The following ARHGAP6 variants were observed in gnomAD, a reference collection of about 807,000 sequenced individuals.
The protein encoded by ARHGAP6 is rho GTPase-activating protein 6.
A neutral mutation model predicts 55.7 loss-of-function variants in ARHGAP6; 16 were observed. That is an observed-to-expected ratio of 0.29 (90% CI 0.19 to 0.44). The LOEUF (loss-of-function observed/expected upper bound fraction) is 0.44. ARHGAP6 is among the 20% of genes least tolerant of loss of function. The pLI, the probability that ARHGAP6 is intolerant of heterozygous loss-of-function variation, is 1.00. For missense variants in ARHGAP6, 698 were observed against 808.9 expected (o/e 0.86, Z 1.66); for synonymous variants, 382 against 360.9 (o/e 1.06, Z -0.66).
chrX:11,314,371 A>G (rs764606693), intron 1 of ARHGAP6, among the ~76,000 whole-genome samples: 6 of 112,086 alleles, frequency 5.4e-5, no homozygotes, highest in African/African-American at 1.9e-4. Flanking sequence ...AGAACTTCTG[A>G]TGTCAAGGAA....
At position 11,260,748 on chromosome X, in the gene ARHGAP6, G is replaced by T. The variant is rs759696468; in HGVS notation, c.589-6041C>A. ...AAATTTTTTTCAACTATTTAGAAAT[G>T]TAAACATAATTCTTAGCTTGCAAGT... On this transcript the variant is annotated intron_variant, in intron 1 of 12. Coordinates refer to ENST00000337414, the MANE Select transcript of ARHGAP6 (RefSeq NM_013427.3). Among the ~76,000 whole-genome samples, 3 of 111,718 alleles carry T rather than the reference G, an allele frequency of 2.7e-5. No homozygotes were observed. In the East Asian group the frequency reaches 8.4e-4, roughly 31 times the overall value.
chrX:11,584,165 T>C (rs1165892219), intron 1 of ARHGAP6, among the ~76,000 whole-genome samples: 1 of 112,096 alleles, frequency 8.9e-6, no homozygotes, highest in African/African-American at 3.2e-5. Context: ...CGATTTCCTA[T>C]AAGTCATAAA....
chrX:11,315,484 G>A (rs370752975), intron 1 of ARHGAP6, among the ~76,000 whole-genome samples: 23 of 111,887 alleles, frequency 2.1e-4, no homozygotes, highest in African/African-American at 7.2e-4. Flanking sequence ...ACTGGTACTG[G>A]TCTGCGGCCC....
chrX:11,301,191 G>T (rs752443593), intron 1 of ARHGAP6, among the ~76,000 whole-genome samples: 347 of 108,119 alleles, frequency 3.2e-3, no homozygotes, highest in African/African-American at 0.011. Context: ...ATGGAAAAAA[G>T]ATTTTTAAAT....
At chrX:11,548,628 T>TTA (rs1556051450) in intron 1 of ARHGAP6, among the ~76,000 whole-genome samples, 118 of 109,816 alleles carry the variant, frequency 1.1e-3, no homozygotes, top group African/African-American at 3.6e-3. Context: ...CTTTTTTTTT[T>TTA]TTATTGAGAT....
At chrX:11,514,013 A>G (rs1422237578) in intron 1 of ARHGAP6, among the ~76,000 whole-genome samples, 1 of 108,637 alleles carries the variant, frequency 9.2e-6, no homozygotes, top group Non-Finnish European at 1.9e-5. Context: ...AATACAAAAA[A>G]TAGCCAGGGG....
chrX:11,493,679 G>T (rs60619858), intron 1 of ARHGAP6, among the ~76,000 whole-genome samples: 9,031 of 110,665 alleles, frequency 0.082, 408 homozygotes, highest in East Asian at 0.18. Flanking sequence ...CCAGATGTAA[G>T]AGCAAAAAGA....
At chrX:11,656,955 T>G (rs1200247901) in intron 1 of ARHGAP6, among the ~76,000 whole-genome samples, 1 of 112,152 alleles carries the variant, frequency 8.9e-6, no homozygotes, top group Non-Finnish European at 1.9e-5. Flanking sequence ...TTTCATAAAC[T>G]GGAAGCACCT....
chrX:11,503,380 G>C (rs1414502714), intron 1 of ARHGAP6, among the ~76,000 whole-genome samples: 1 of 111,498 alleles, frequency 9.0e-6, no homozygotes. Flanking sequence ...CACATTCCTC[G>C]ACTGTGTGTA....
intron 1 of ARHGAP6, among the ~76,000 whole-genome samples, chrX:11,415,029 C>T (rs2049730971): frequency 8.9e-6 from 1 of 111,793 alleles, no homozygotes; most frequent in Admixed American, 9.5e-5. Context: ...TAAGTGTTCT[C>T]ACCACAAAAA....
chrX:11,290,490 C>CAAAAA (rs746332445), intron 1 of ARHGAP6: 17 of 178,203 alleles, frequency 9.5e-5, no homozygotes, highest in Non-Finnish European at 1.3e-4. Context: ...TCTACCCCAG[C>CAAAAA]AAAAAAAAAA....
chrX:11,599,384 T>C (rs1253415008), intron 1 of ARHGAP6, among the ~76,000 whole-genome samples: 1 of 112,107 alleles, frequency 8.9e-6, no homozygotes, highest in Non-Finnish European at 1.9e-5. Flanking sequence ...TTAGTGCATG[T>C]ATACATAATA....
intron 1 of ARHGAP6, among the ~76,000 whole-genome samples, chrX:11,273,307 T>G (rs1250947652): frequency 9.0e-6 from 1 of 110,651 alleles, no homozygotes; most frequent in Non-Finnish European, 1.9e-5. Context: ...TATTAAAAAT[T>G]TTTATTTTAA....
At chrX:11,410,327 A>G (rs761468877) in intron 1 of ARHGAP6, among the ~76,000 whole-genome samples, 13 of 112,648 alleles carry the variant, frequency 1.2e-4, no homozygotes, top group Non-Finnish European at 1.7e-4. Flanking sequence ...ATGCTGCAAC[A>G]TGGGTGAACC....
chrX:11,411,323 A>C (rs1484991026), intron 1 of ARHGAP6, among the ~76,000 whole-genome samples: 7 of 103,138 alleles, frequency 6.8e-5, no homozygotes, highest in Non-Finnish European at 1.4e-4. Context: ...AAACAAATGA[A>C]CATATATTTA....
chrX:11,451,309 A>T (rs918654125), intron 1 of ARHGAP6, among the ~76,000 whole-genome samples: 10 of 111,665 alleles, frequency 9.0e-5, no homozygotes, highest in African/African-American at 3.3e-4. Flanking sequence ...CCTATAATGG[A>T]ACTAAAACGC....
intron 1 of ARHGAP6, among the ~76,000 whole-genome samples, chrX:11,538,848 GGT>G (rs1491093540): frequency 7.9e-5 from 7 of 88,189 alleles, no homozygotes; most frequent in Non-Finnish European, 1.4e-4. Flanking sequence ...GTGTGTGTGT[GGT>G]TTTTTTTTTT....
chrX:11,144,296 T>C (rs1421723137), intron 10 of ARHGAP6, 48 bp from the exon 11 acceptor site: 3 of 1,204,177 alleles, frequency 2.5e-6, no homozygotes, highest in Admixed American at 2.2e-5. Flanking sequence ...TAACAAGTAG[T>C]GACCAGATTT....
intron 1 of ARHGAP6, among the ~76,000 whole-genome samples, chrX:11,358,058 A>G (rs972652779): frequency 9.0e-6 from 1 of 110,696 alleles, no homozygotes; most frequent in Admixed American, 9.6e-5. Context: ...CTCTCCCTCA[A>G]CCCCTAGCAA....
Sources: gnomAD v4.1 joint callset for allele counts (sites outside exome capture counted in the v4.1 genomes callset) on GRCh38, gnomAD v4.1.1 for gene constraint, MANE v1.5 for transcripts, NCBI Gene and HGNC (gene_info 2026-07-23, HGNC 2026-07-21) for gene names.